The following CCDC85A variants were observed in gnomAD, a reference collection of about 807,000 sequenced individuals.
CCDC85A encodes the protein coiled-coil domain-containing protein 85A.
A neutral mutation model predicts 50.2 loss-of-function variants in CCDC85A; 38 were observed. The ratio of observed to expected loss-of-function variants is 0.76; its 90% CI spans 0.58 to 0.99. The LOEUF (loss-of-function observed/expected upper bound fraction) is 0.99, where lower values mean the gene tolerates loss of function less well. CCDC85A is among the 50% of genes least tolerant of loss of function. CCDC85A has a pLI of 0.00. For synonymous variants in CCDC85A, 366 were observed against 301.4 expected (o/e 1.21, Z -2.22); for missense variants, 820 against 742.0 (o/e 1.11, Z -1.22).
chr2:56,293,367 T>TA (rs1671803370), intron 2 of CCDC85A, among the ~76,000 whole-genome samples: 1 of 152,092 alleles, frequency 6.6e-6, no homozygotes, highest in Admixed American at 6.5e-5. Flanking sequence ...TCCGAAACTA[T>TA]AAAAACCCTA....
chr2:56,238,200 G>A (rs1669105283), intron 2 of CCDC85A, among the ~76,000 whole-genome samples: 1 of 152,118 alleles, frequency 6.6e-6, no homozygotes, highest in African/African-American at 2.4e-5. Flanking sequence ...CGGATCACCT[G>A]AGGTCAGGAG....
In CCDC85A at chr2:56,184,125, G is replaced by T; in HGVS notation, c.-500G>T. ...GCGTCGCTAGAGCAGCCGGGGAGGCGCCGCGGTGCCCGGCGCGCCCTCCAA... is the reference window on the plus strand; with the variant it reads ...GCGTCGCTAGAGCAGCCGGGGAGGCTCCGCGGTGCCCGGCGCGCCCTCCAA... On this transcript the variant is annotated 5_prime_UTR_variant, in exon 1 of 6. Transcript: ENST00000407595. 1 of 975,616 alleles carries T rather than the reference G, an allele frequency of 1.0e-6. No homozygotes were observed. The highest frequency in any genetic ancestry group is 1.2e-6 in the Non-Finnish European group (1 of 820,966). The allele number at this position is 975,616 out of a possible 1,614,324, so 60.4% of individuals were successfully genotyped here. A position where few individuals can be genotyped will look rare whatever the true frequency, so the allele number is the denominator to read the frequency against.
At chr2:56,323,448 A>C (rs1191553879) in intron 2 of CCDC85A, among the ~76,000 whole-genome samples, 1 of 151,940 alleles carries the variant, frequency 6.6e-6, no homozygotes, top group Non-Finnish European at 1.5e-5. Context: ...CTTTGGTGCT[A>C]CTCTATCATC....
At chr2:56,340,976 G>A (rs1674337767) in intron 2 of CCDC85A, among the ~76,000 whole-genome samples, 2 of 151,300 alleles carry the variant, frequency 1.3e-5, no homozygotes, top group African/African-American at 4.9e-5. Flanking sequence ...GAGAGATCAA[G>A]TGCACTGTTT....
rs1268956574 is a variant in CCDC85A, at chr2:56,307,375, C to T, written c.1241-35504C>T. ...TGTTCAAGTCCCAGTACAATCAGGT[C>T]GTTGTAATCAGGCTCCTTGCAGTCT... On this transcript the variant is annotated intron_variant, in intron 2 of 5. Transcript: ENST00000407595. Among the ~76,000 whole-genome samples, 5 of 151,960 alleles carry T rather than the reference C, an allele frequency of 3.3e-5. No individual in the cohort carries two copies. In the East Asian group the frequency reaches 5.8e-4, roughly 18 times the overall value.
At chr2:56,231,621 T>C (rs1668777070) in intron 2 of CCDC85A, among the ~76,000 whole-genome samples, 1 of 152,138 alleles carries the variant, frequency 6.6e-6, no homozygotes, top group Non-Finnish European at 1.5e-5. Flanking sequence ...TTTTTTTAAC[T>C]GTAGACCAAG....
intron 2 of CCDC85A, among the ~76,000 whole-genome samples, chr2:56,312,658 A>G (rs13396365): frequency 0.049 from 7,423 of 152,246 alleles, 613 homozygotes; most frequent in African/African-American, 0.17. Flanking sequence ...ATTACAGTAC[A>G]GTCCCAGTAG....
intron 4 of CCDC85A, among the ~76,000 whole-genome samples, chr2:56,374,093 A>C (rs1281379886): frequency 6.6e-6 from 1 of 152,230 alleles, no homozygotes; most frequent in Non-Finnish European, 1.5e-5. Flanking sequence ...CCTTTCCCAC[A>C]GGGGATTGGG....
chr2:56,203,380 G>A (rs911452363), intron 2 of CCDC85A, among the ~76,000 whole-genome samples: 1 of 147,426 alleles, frequency 6.8e-6, no homozygotes, highest in African/African-American at 2.5e-5. Flanking sequence ...TTTTTTTTCT[G>A]TATCTCTTTA....
At chr2:56,353,635 AG>A (rs1175243436) in intron 3 of CCDC85A, among the ~76,000 whole-genome samples, 1 of 152,244 alleles carries the variant, frequency 6.6e-6, no homozygotes, top group African/African-American at 2.4e-5. Flanking sequence ...AGGAACCCAC[AG>A]GAAGTGCTGA....
At position 56,266,578 on chromosome 2, in the gene CCDC85A, G is replaced by C. The variant is rs75583486; in HGVS notation, c.1240+73138G>C. Among the ~76,000 whole-genome samples, 205 of 60,234 alleles carry C rather than the reference G, an allele frequency of 3.4e-3. 3 individuals are homozygous for C. Among genetic ancestry groups the C allele is most frequent in the Middle Eastern group, 0.012 (1 of 86 alleles). The allele number at this position is 60,234 out of a possible 152,430, so 39.5% of individuals were successfully genotyped here. ...TATAATTGTCAATTAACAATAACGC[G>C]CCCCCCCCCCCCATAATCTTCTTCC... On this transcript the variant is annotated intron_variant, in intron 2 of 5. Coordinates refer to ENST00000407595, the MANE Select transcript of CCDC85A (RefSeq NM_001080433.2).
At chr2:56,367,531 A>T (rs1028771965) in intron 3 of CCDC85A, among the ~76,000 whole-genome samples, 19 of 152,126 alleles carry the variant, frequency 1.2e-4, no homozygotes, top group African/African-American at 3.6e-4. Flanking sequence ...CTATAGCGAC[A>T]TTTTGGGCTA....
At chr2:56,188,656 T>C (rs139692048) in intron 1 of CCDC85A, among the ~76,000 whole-genome samples, 5 of 152,382 alleles carry the variant, frequency 3.3e-5, no homozygotes, top group Non-Finnish European at 5.9e-5. Context: ...TCTCCAAATA[T>C]CCACAGCTTC....
At chr2:56,379,771 A>G (rs1376953675) in intron 5 of CCDC85A, 29 of 984,314 alleles carry the variant, frequency 2.9e-5, no homozygotes, top group Non-Finnish European at 3.4e-5. Flanking sequence ...TCAGGAAACT[A>G]TAGATCGTCA....
intron 2 of CCDC85A, among the ~76,000 whole-genome samples, chr2:56,312,441 A>C (rs986776267): frequency 2.6e-5 from 4 of 152,130 alleles, no homozygotes; most frequent in Non-Finnish European, 5.9e-5. Flanking sequence ...GTATTTTGTG[A>C]TGTAGTTACA....
At chr2:56,187,937 C>T (rs961864973) in intron 1 of CCDC85A, among the ~76,000 whole-genome samples, 2 of 152,308 alleles carry the variant, frequency 1.3e-5, no homozygotes, top group East Asian at 3.9e-4. Flanking sequence ...ATTAATTTCC[C>T]TCCTTGGTTC....
chr2:56,381,140 C>G (rs1676566383), intron 5 of CCDC85A, among the ~76,000 whole-genome samples: 1 of 151,982 alleles, frequency 6.6e-6, no homozygotes, highest in Non-Finnish European at 1.5e-5. Flanking sequence ...CCCACCCTTC[C>G]TAAGTTATTT....
At chr2:56,317,365 A>C (rs1396199545) in intron 2 of CCDC85A, among the ~76,000 whole-genome samples, 1 of 152,144 alleles carries the variant, frequency 6.6e-6, no homozygotes, top group Non-Finnish European at 1.5e-5. Context: ...AGTGATCCAA[A>C]AGTCTACACT....
At chr2:56,280,218 C>G (rs868483302) in intron 2 of CCDC85A, among the ~76,000 whole-genome samples, 1 of 152,184 alleles carries the variant, frequency 6.6e-6, no homozygotes, top group Non-Finnish European at 1.5e-5. Context: ...AGAGTTGGCT[C>G]TCTGTGGGCC....
Sources: gnomAD v4.1 joint callset for allele counts (sites outside exome capture counted in the v4.1 genomes callset) on GRCh38, gnomAD v4.1.1 for gene constraint, MANE v1.5 for transcripts, NCBI Gene and HGNC (gene_info 2026-07-23, HGNC 2026-07-21) for gene names.